The following CHST9 variants were observed in gnomAD, a reference collection of about 807,000 sequenced individuals.
The protein encoded by CHST9 is GalNAc-4-sulfotransferase 2.
CHST9 carries 41 observed loss-of-function variants against 44.4 expected under a neutral mutation model. The ratio of observed to expected loss-of-function variants is 0.92; its 90% CI spans 0.72 to 1.20. CHST9 has a LOEUF of 1.20. Ranked by LOEUF, CHST9 falls within the 50% of genes most tolerant of loss-of-function variation. The pLI is 0.00. For missense variants in CHST9, 504 were observed against 516.5 expected, an observed-to-expected ratio of 0.98 and a Z score of 0.23; for synonymous variants, 171 against 178.4, an observed-to-expected ratio of 0.96 and a Z score of 0.33.
At chr18:27,132,342 A>C (rs2143839089) in intron 2 of CHST9, among the ~76,000 whole-genome samples, 1 of 152,336 alleles carries the variant, frequency 6.6e-6, no homozygotes, top group Admixed American at 6.5e-5. Context: ...AGGAAAAATA[A>C]ACTGCAGATA....
intron 1 of CHST9, among the ~76,000 whole-genome samples, chr18:27,162,228 T>G (rs907030825): frequency 3.9e-5 from 6 of 152,194 alleles, no homozygotes; most frequent in Admixed American, 3.3e-4. Flanking sequence ...ATTTGGCATG[T>G]TTTTGCAGTG....
At chr18:26,982,339 C>CTT (rs34211889) in intron 4 of CHST9, among the ~76,000 whole-genome samples, 1,817 of 133,696 alleles carry the variant, frequency 0.014, 31 homozygotes, top group African/African-American at 0.049. Flanking sequence ...CTCCTTTTAC[C>CTT]TTTTTTTTTT....
intron 4 of CHST9, among the ~76,000 whole-genome samples, chr18:27,000,898 C>T (rs1292187082): frequency 6.6e-6 from 1 of 152,078 alleles, no homozygotes; most frequent in Non-Finnish European, 1.5e-5. Context: ...GATTCACCCC[C>T]CCATCTCTGA....
intron 3 of CHST9, among the ~76,000 whole-genome samples, chr18:27,029,783 C>G (rs190932645): frequency 2.4e-3 from 362 of 152,172 alleles, no homozygotes; most frequent in Middle Eastern, 3.4e-3. Context: ...GTTTTTTCCC[C>G]CAAATATTTT....
At chr18:27,165,971 C>T (rs1269016079) in intron 1 of CHST9, among the ~76,000 whole-genome samples, 1 of 152,170 alleles carries the variant, frequency 6.6e-6, no homozygotes, top group Non-Finnish European at 1.5e-5. Context: ...GAATTCCTGA[C>T]CCCTTTGTGG....
intron 5 of CHST9, among the ~76,000 whole-genome samples, chr18:26,940,224 A>G (rs1429279250): frequency 2.8e-5 from 3 of 108,298 alleles, no homozygotes; most frequent in East Asian, 6.6e-4. Flanking sequence ...TGAGACTCAG[A>G]AAAAAAAACC....
rs550890041 is a variant in CHST9 at position 27,030,075 on chromosome 18, G to A, written c.161-5918C>T. 1.3e-4 allele frequency among the ~76,000 whole-genome samples: 20 copies of A among 152,264 alleles called. No individual in the cohort carries two copies. The East Asian group carries it at 2.7e-3, about 21-fold the overall frequency. ...TCAGTTTATGTTAAATGCTTTCTCC[G>A]TTAATTTCCTTGGCACTTCCCAAGT... On this transcript the variant is annotated intron_variant, in intron 3 of 5. Coordinates refer to ENST00000618847, the MANE Select transcript of CHST9 (RefSeq NM_031422.6).
chr18:27,029,777 T>C (rs2057321597), intron 3 of CHST9, among the ~76,000 whole-genome samples: 1 of 152,208 alleles, frequency 6.6e-6, no homozygotes. Flanking sequence ...AACCATGTTT[T>C]TTCCCCCAAA....
intron 4 of CHST9, among the ~76,000 whole-genome samples, chr18:26,956,349 A>G (rs2576273): frequency 0.35 from 49,989 of 144,280 alleles, 9,289 homozygotes; most frequent in East Asian, 0.48. Flanking sequence ...ATATATACAC[A>G]CACAATTATA....
At chr18:26,970,451 C>T (rs985564775) in intron 4 of CHST9, among the ~76,000 whole-genome samples, 1 of 152,062 alleles carries the variant, frequency 6.6e-6, no homozygotes, top group Admixed American at 6.5e-5. Flanking sequence ...ATTTTTGAGA[C>T]AGGGTCTCAC....
At chr18:27,166,780 A>C (rs1598774100) in intron 1 of CHST9, among the ~76,000 whole-genome samples, 1 of 152,298 alleles carries the variant, frequency 6.6e-6, no homozygotes, top group East Asian at 1.9e-4. Context: ...GGACCTAATA[A>C]TTAAATTGGC....
intron 5 of CHST9, among the ~76,000 whole-genome samples, chr18:26,932,020 A>C (rs2055887104): frequency 6.6e-6 from 1 of 152,106 alleles, no homozygotes; most frequent in South Asian, 2.1e-4. Flanking sequence ...GATCCAAATG[A>C]ATACAATCCT....
At chr18:27,152,906 CAGTT>C (rs559575087) in intron 1 of CHST9, among the ~76,000 whole-genome samples, 178 of 152,042 alleles carry the variant, frequency 1.2e-3, no homozygotes, top group African/African-American at 4.2e-3. Flanking sequence ...TTGGGTAAGT[CAGTT>C]AGCAACTCAA....
intron 2 of CHST9, among the ~76,000 whole-genome samples, chr18:27,081,942 C>T (rs1346995836): frequency 6.6e-6 from 1 of 152,064 alleles, no homozygotes; most frequent in Non-Finnish European, 1.5e-5. Flanking sequence ...AAATATAAAC[C>T]CAAGCTTTCT....
chr18:26,926,526 A>G (rs2145074094), intron 5 of CHST9, among the ~76,000 whole-genome samples: 1 of 152,340 alleles, frequency 6.6e-6, no homozygotes, highest in East Asian at 1.9e-4. Context: ...TAGATTTATC[A>G]TTCTATCTTC....
At chr18:27,091,370 A>G (rs913928148) in intron 2 of CHST9, among the ~76,000 whole-genome samples, 13 of 152,222 alleles carry the variant, frequency 8.5e-5, no homozygotes, top group Non-Finnish European at 1.6e-4. Context: ...TTTTCTAAAT[A>G]TATAATCATG....
At chr18:26,993,540 T>A (rs909265290) in intron 4 of CHST9, among the ~76,000 whole-genome samples, 3 of 152,088 alleles carry the variant, frequency 2.0e-5, no homozygotes, top group African/African-American at 4.8e-5. Flanking sequence ...ACTAAGACAC[T>A]GTAAAGGCAG....
At chr18:26,928,926 CAG>C (rs1254494453) in intron 5 of CHST9, among the ~76,000 whole-genome samples, 1 of 152,178 alleles carries the variant, frequency 6.6e-6, no homozygotes, top group Non-Finnish European at 1.5e-5. Context: ...AGCACTCTTA[CAG>C]AGAGTCCATT....
intron 4 of CHST9, among the ~76,000 whole-genome samples, chr18:26,958,936 A>T (rs956228955): frequency 1.3e-5 from 2 of 152,228 alleles, no homozygotes; most frequent in African/African-American, 4.8e-5. Flanking sequence ...TTAAAATGGA[A>T]GTTCCATTCA....
Sources: allele counts gnomAD v4.1 joint callset (sites outside exome capture counted in the v4.1 genomes callset), GRCh38; gene constraint gnomAD v4.1.1; transcripts MANE v1.5; gene names NCBI Gene and HGNC (gene_info 2026-07-23, HGNC 2026-07-21).